The following PTPRK variants were observed in gnomAD, a reference collection of about 807,000 sequenced individuals.
PTPRK encodes receptor-type tyrosine-protein phosphatase kappa.
Under a neutral mutation model 178.0 loss-of-function variants are expected in PTPRK, and 75 were observed. The observed-to-expected ratio is 0.42, with a 90% CI of 0.35 to 0.51. The LOEUF (loss-of-function observed/expected upper bound fraction) is 0.51. PTPRK is among the 20% of genes least tolerant of loss of function. PTPRK has a pLI of 0.02. For synonymous variants in PTPRK, 637 were observed against 620.6 expected (o/e 1.03, Z -0.39); for missense variants, 1,441 against 1,797.8 (o/e 0.80, Z 3.59).
At chr6:128,127,434 CTCT>C (rs1793558778) in intron 7 of PTPRK, among the ~76,000 whole-genome samples, 1 of 152,158 alleles carries the variant, frequency 6.6e-6, no homozygotes, top group African/African-American at 2.4e-5. Context: ...CACAGAATAT[CTCT>C]TCTTCATTTA....
intron 2 of PTPRK, among the ~76,000 whole-genome samples, chr6:128,337,560 T>A (rs757929317): frequency 6.6e-6 from 1 of 152,158 alleles, no homozygotes; most frequent in East Asian, 1.9e-4. Flanking sequence ...AAGAAGTTTA[T>A]CAGCAAAAGG....
intron 3 of PTPRK, among the ~76,000 whole-genome samples, chr6:128,296,262 C>G (rs969441202): frequency 6.6e-6 from 1 of 152,002 alleles, no homozygotes; most frequent in Non-Finnish European, 1.5e-5. Context: ...CAGAATATAC[C>G]CTCGTCTTCT....
intron 3 of PTPRK, among the ~76,000 whole-genome samples, chr6:128,313,801 C>T (rs1007294767): frequency 1.3e-5 from 2 of 152,026 alleles, no homozygotes; most frequent in African/African-American, 4.8e-5. Context: ...GTTATCAAGA[C>T]CAGACACAAT....
At chr6:128,184,777 GAT>G (rs764265504) in intron 6 of PTPRK, 52 bp from the exon 7 acceptor site, 1 of 1,525,746 alleles carries the variant, frequency 6.6e-7, no homozygotes, top group Admixed American at 1.8e-5. Context: ...ATAATACAAA[GAT>G]ATATTAGTGT....
intron 1 of PTPRK, among the ~76,000 whole-genome samples, chr6:128,494,138 A>G (rs1854310278): frequency 6.6e-6 from 1 of 150,598 alleles, no homozygotes; most frequent in Non-Finnish European, 1.5e-5. Context: ...GCAATGAGCC[A>G]TGACCTCAAC....
intron 7 of PTPRK, among the ~76,000 whole-genome samples, chr6:128,094,229 T>C (rs746023624): frequency 5.9e-5 from 9 of 152,104 alleles, no homozygotes; most frequent in Non-Finnish European, 7.4e-5. Context: ...TGAGAAGTCA[T>C]TGAGGGTTTC....
intron 3 of PTPRK, chr6:128,320,905 T>C (rs1343896739): frequency 1.3e-5 from 2 of 152,078 alleles, no homozygotes; most frequent in Admixed American, 6.6e-5. Flanking sequence ...TCCGGAATAA[T>C]AGAATCAACT....
At chr6:128,299,066 T>C (rs1158616453) in intron 3 of PTPRK, among the ~76,000 whole-genome samples, 1 of 152,232 alleles carries the variant, frequency 6.6e-6, no homozygotes, top group Non-Finnish European at 1.5e-5. Flanking sequence ...AGCATTCTTA[T>C]ACACCAATAA....
At chr6:128,157,400 T>C (rs1208440550) in intron 7 of PTPRK, among the ~76,000 whole-genome samples, 4 of 152,002 alleles carry the variant, frequency 2.6e-5, no homozygotes, top group Non-Finnish European at 5.9e-5. Flanking sequence ...ATCAGTATTA[T>C]GAAGCACATC....
intron 7 of PTPRK, among the ~76,000 whole-genome samples, chr6:128,168,606 T>G (rs1048931794): frequency 1.4e-4 from 21 of 151,986 alleles, no homozygotes; most frequent in Admixed American, 1.2e-3. Flanking sequence ...CATGGGAGCG[T>G]AAACCCTATT....
chr6:128,094,190 G>A (rs978009151), intron 7 of PTPRK, among the ~76,000 whole-genome samples: 1 of 152,156 alleles, frequency 6.6e-6, no homozygotes, highest in African/African-American at 2.4e-5. Flanking sequence ...AGATGTCATG[G>A]TAAGAGGCTG....
chr6:128,408,060 T>G (rs1841896156), intron 1 of PTPRK, among the ~76,000 whole-genome samples: 1 of 152,216 alleles, frequency 6.6e-6, no homozygotes, highest in African/African-American at 2.4e-5. Flanking sequence ...AATGTGTTTC[T>G]GACACGGACA....
chr6:128,040,290 T>C (rs952275292), intron 13 of PTPRK, among the ~76,000 whole-genome samples: 6 of 152,140 alleles, frequency 3.9e-5, no homozygotes, highest in Non-Finnish European at 8.8e-5. Context: ...AGCAGTTTTA[T>C]TTATTTTATT....
intron 3 of PTPRK, among the ~76,000 whole-genome samples, chr6:128,319,942 T>C (rs1395169937): frequency 6.6e-6 from 1 of 152,202 alleles, no homozygotes; most frequent in Non-Finnish European, 1.5e-5. Context: ...TTTGCTCTCA[T>C]TGATTAAGTT....
intron 2 of PTPRK, among the ~76,000 whole-genome samples, chr6:128,330,543 T>C (rs1310472683): frequency 6.6e-6 from 1 of 152,118 alleles, no homozygotes; most frequent in African/African-American, 2.4e-5. Context: ...CTCTCCTCAA[T>C]CCATTCACGT....
intron 13 of PTPRK, among the ~76,000 whole-genome samples, chr6:128,009,901 A>G (rs544709668): frequency 9.9e-5 from 15 of 151,332 alleles, no homozygotes; most frequent in African/African-American, 3.6e-4. Flanking sequence ...AACAACTTTG[A>G]GAAGATGATT....
chr6:128,067,164 C>T (rs1285777618), intron 12 of PTPRK, among the ~76,000 whole-genome samples: 1 of 152,144 alleles, frequency 6.6e-6, no homozygotes, highest in African/African-American at 2.4e-5. Flanking sequence ...TGAAGTGTGC[C>T]ACCACTGAGC....
rs76413858 is a variant in PTPRK, at chr6:128,188,308, C to A, written c.869-3583G>T. Among the ~76,000 whole-genome samples, 879 of 152,158 alleles carry A rather than the reference C, an allele frequency of 5.8e-3. 7 individuals are homozygous for A. Among genetic ancestry groups the A allele is most frequent in the African/African-American group, 0.02 (841 of 41,518 alleles). On this transcript the variant is annotated intron_variant, in intron 6 of 29. Coordinates refer to ENST00000368226, the MANE Select transcript of PTPRK (RefSeq NM_002844.4). ...GCAAATCATTATGAAAAAATACTCC[C>A]ATTCAGTTATTCCTATTATAATGTT...
At chr6:128,241,948 A>ATTTTTT (rs1202951832) in intron 4 of PTPRK, among the ~76,000 whole-genome samples, 4 of 126,224 alleles carry the variant, frequency 3.2e-5, no homozygotes, top group Admixed American at 7.9e-5. Context: ...CGCCTGGCTA[A>ATTTTTT]TTTTTTTTTT....
Sources: gnomAD v4.1 joint callset for allele counts (sites outside exome capture counted in the v4.1 genomes callset) on GRCh38, gnomAD v4.1.1 for gene constraint, MANE v1.5 for transcripts, NCBI Gene and HGNC (gene_info 2026-07-23, HGNC 2026-07-21) for gene names.